The following ILF2 variants were observed in gnomAD, a reference collection of about 807,000 sequenced individuals.
ILF2 encodes the protein interleukin enhancer-binding factor 2.
ILF2 carries 9 observed loss-of-function variants against 55.3 expected under a neutral mutation model. The ratio of observed to expected loss-of-function variants is 0.16; its 90% confidence interval spans 0.10 to 0.28. The LOEUF (loss-of-function observed/expected upper bound fraction) is 0.28. ILF2 is among the 10% of genes least tolerant of loss of function. ILF2 has a pLI of 1.00. For missense variants in ILF2, 266 were observed against 474.9 expected, an observed-to-expected ratio of 0.56 and a Z score of 4.09; for synonymous variants, 151 against 161.8, an observed-to-expected ratio of 0.93 and a Z score of 0.50.
chr1:153,663,119 A>C lies in ILF2; in HGVS notation c.821T>G (p.Ile274Ser). The C allele has an allele frequency of 6.2e-7, 1 of 1,614,178 alleles. No homozygotes were observed. The highest frequency in any genetic ancestry group is 8.5e-7 in the Non-Finnish European group (1 of 1,180,030). Residue 274 changes from isoleucine to serine, a missense_variant, in exon 12 of 14, where the codon ATT becomes AGT. By Grantham distance (142) the Ile-to-Ser change is moderately radical. Coordinates refer to ENST00000361891, the MANE Select transcript of ILF2 (RefSeq NM_004515.4). ...LNVAYRRCLQ[I>S]LAAGLFLPGS... Reference sequence around the variant, plus strand: ...TGGCAGGAACAGTCCTGCAGCCAGAATCTGCAAGCAGCGCCTAGAACACAG... The same window carrying C: ...TGGCAGGAACAGTCCTGCAGCCAGACTCTGCAAGCAGCGCCTAGAACACAG...
At position 153,668,627 on chromosome 1, in the gene ILF2, T is replaced by C. The variant is rs548193985; in HGVS notation, c.109-70A>G. The C allele has an allele frequency of 5.1e-4, 765 of 1,499,548 alleles. 2 individuals carry two copies. The highest frequency in any genetic ancestry group is 6.5e-4 in the Non-Finnish European group (729 of 1,118,580). The allele number at this position is 1,499,548 out of a possible 1,614,324, so 92.9% of individuals were successfully genotyped here. On this transcript the variant is annotated intron_variant, in intron 3 of 13. Coordinates refer to ENST00000361891, the MANE Select transcript of ILF2 (RefSeq NM_004515.4). ...ATACAGGAGAGATTGTTTTTTCTAT[T>C]ACTACGACAGAAAAAGGTTAAAAAC...
intron 6 of ILF2, chr1:153,667,288 A>C: frequency 3.8e-6 from 2 of 520,124 alleles, no homozygotes; most frequent in Non-Finnish European, 6.8e-6. Context: ...GACCAGCCCG[A>C]GCAACACGGT....
At chr1:153,667,711 A>G (rs768437726) in intron 5 of ILF2, 54 bp from the exon 6 acceptor site, 1 of 1,229,322 alleles carries the variant, frequency 8.1e-7, no homozygotes, top group Non-Finnish European at 1.2e-6. Context: ...AAAGGTGCCT[A>G]GGTCCTCCCA....
At chr1:153,670,051 G>C in intron 2 of ILF2, 120 bp downstream of exon 2, 1 of 1,163,750 alleles carries the variant, frequency 8.6e-7, no homozygotes, top group East Asian at 2.3e-5. Flanking sequence ...CAGGAGTGCA[G>C]GAAAAGACCA....
At chr1:153,664,016 G>C in intron 10 of ILF2, 27 bp downstream of exon 10, 2 of 1,314,474 alleles carry the variant, frequency 1.5e-6, no homozygotes, top group Non-Finnish European at 2.2e-6. Context: ...GGATGATGAG[G>C]AACTCCAATT....
chr1:153,665,499 TTGAA>T, intron 7 of ILF2, 160 bp downstream of exon 7: 1 of 752,508 alleles, frequency 1.3e-6, no homozygotes, highest in Admixed American at 2.1e-5. Context: ...CAGATCTCCC[TTGAA>T]CACCTTGAAC....
chr1:153,667,024 A>T (rs1571336275), intron 6 of ILF2, among the ~76,000 whole-genome samples: 1 of 152,254 alleles, frequency 6.6e-6, no homozygotes, highest in Non-Finnish European at 1.5e-5. Context: ...TGGGAGGCCA[A>T]GGCAGGAAAA....
Position 153,662,707 on chromosome 1 carries a change from C to T in ILF2, c.1010G>A (p.Ser337Asn), listed in dbSNP as rs1221585865. 5.6e-6 allele frequency: 9 copies of T among 1,613,868 alleles called. No individual in the cohort carries two copies. The highest frequency in any genetic ancestry group is 6.8e-6 in the Non-Finnish European group (8 of 1,179,856). ...CCTGACCCACAGTGGTCACTCACAG[C>T]TGGCATCACCCTCCTGGCCAAGGAT... is the stretch of plus-strand genomic sequence containing the variant. ...RKILGQEGDA[S>N]YLASEISTWD... The change falls in exon 13 of 14, where the codon AGC (serine) becomes AAC (asparagine). Residue 337 changes from serine to asparagine, a missense_variant and splice_region_variant. Physicochemically the swap from Ser to Asn is conservative, Grantham distance 46. Coordinates refer to ENST00000361891, the MANE Select transcript of ILF2 (RefSeq NM_004515.4).
At chr1:153,666,259 C>A (rs776614854) in intron 6 of ILF2, among the ~76,000 whole-genome samples, 3 of 152,150 alleles carry the variant, frequency 2.0e-5, no homozygotes, top group Non-Finnish European at 4.4e-5. Flanking sequence ...TCTCTGCTAA[C>A]TCCAACCTCT....
chr1:153,664,663 A>G (rs1228818189), intron 8 of ILF2, among the ~76,000 whole-genome samples, 189 bp from the exon 9 acceptor site: 1 of 152,124 alleles, frequency 6.6e-6, no homozygotes, highest in Non-Finnish European at 1.5e-5. Flanking sequence ...GGGTTCGAGC[A>G]ATTCTCCTGC....
At chr1:153,665,084 T>G in intron 8 of ILF2, 136 bp downstream of exon 8, 2 of 623,824 alleles carry the variant, frequency 3.2e-6, no homozygotes, top group Non-Finnish European at 5.7e-6. Context: ...GAGAGCAAAG[T>G]TCAGAATAAA....
intron 9 of ILF2, 100 bp downstream of exon 9, chr1:153,664,296 C>G: frequency 8.8e-7 from 1 of 1,141,504 alleles, no homozygotes; most frequent in Non-Finnish European, 1.3e-6. Context: ...GACACGAGGT[C>G]ACAGGCAAAA....
intron 8 of ILF2, 126 bp from the exon 9 acceptor site, chr1:153,664,600 G>A: frequency 1.3e-6 from 1 of 766,388 alleles, no homozygotes; most frequent in South Asian, 1.5e-5. Context: ...CTGTTGTCCA[G>A]GCTGGATTGC....
Position 153,663,383 on chromosome 1 carries a change from C to T in ILF2, c.745-107G>A, listed in dbSNP as rs1669224119. Reference sequence around the variant, plus strand: ...TCACTTTGTCATCCAGGCTGGAGTGCAGTGGCGCAATCATAGTTCACTGTA... The same window carrying T: ...TCACTTTGTCATCCAGGCTGGAGTGTAGTGGCGCAATCATAGTTCACTGTA... On this transcript the variant is annotated intron_variant, in intron 10 of 13. Transcript: ENST00000361891. 10 of 1,029,856 alleles carry T rather than the reference C, an allele frequency of 9.7e-6. No homozygotes were observed. In the East Asian group the frequency reaches 2.4e-4, roughly 25 times the overall value. 63.8% of individuals were successfully genotyped at this position (1,029,856 alleles called of 1,614,324 possible).
chr1:153,668,499 G>A lies in ILF2; in HGVS notation c.167C>T (p.Ala56Val), dbSNP rs753101179. ...CAGGTCCTGATTCCTCTTCAGCAAGGCCTCACTGAAGGAAGTTTCATCAGG... is the reference window on the plus strand; with the variant it reads ...CAGGTCCTGATTCCTCTTCAGCAAGACCTCACTGAAGGAAGTTTCATCAGG... The part of the protein sequence containing the change: ...PAPDETSFSE[A>V]LLKRNQDLAP... Residue 56 changes from alanine to valine, a missense_variant, in exon 4 of 14, where the codon GCC becomes GTC. Transcript: ENST00000361891. 3 of 1,614,038 alleles carry A rather than the reference G, an allele frequency of 1.9e-6. No individual in the cohort carries two copies. In the South Asian group the frequency reaches 3.3e-5, roughly 18 times the overall value.
intron 8 of ILF2, 86 bp from the exon 9 acceptor site, chr1:153,664,560 G>C (rs1269432410): frequency 9.3e-7 from 1 of 1,072,522 alleles, no homozygotes; most frequent in South Asian, 1.3e-5. Context: ...TAAAAACTTG[G>C]AAGGAGGGCA....
At chr1:153,664,022 C>T in intron 10 of ILF2, 21 bp downstream of exon 10, 1 of 1,444,140 alleles carries the variant, frequency 6.9e-7, no homozygotes, top group Non-Finnish European at 9.7e-7. Context: ...TGAGGAACTC[C>T]AATTGCCCAT....
Position 153,664,106 on chromosome 1 carries a change from C to T in ILF2, c.681G>A (p.Leu227=). The T allele has an allele frequency of 1.2e-6, 2 of 1,613,122 alleles. No individual in the cohort carries two copies. Among genetic ancestry groups the T allele is most frequent in the Non-Finnish European group, 1.7e-6 (2 of 1,179,276 alleles). ...CAGGAAAACGAATCCTCAAGTCCTT[C>T]AGTAGTCTGATGAGAACTTTAACTC... ...QSTVKVLIRL[L]KDLRIRFPGF... is the part of the protein sequence containing the mutation. The change falls in exon 10 of 14, where the codon CTG becomes CTA. Residue 227 remains leucine, a synonymous_variant. Transcript: ENST00000361891.
chr1:153,670,844 G>C, intron 1 of ILF2, 74 bp downstream of exon 1: 1 of 1,581,440 alleles, frequency 6.3e-7, no homozygotes. Context: ...CTGATACTCC[G>C]ACTTCTTTCG....
Sources: allele counts gnomAD v4.1 joint callset (sites outside exome capture counted in the v4.1 genomes callset), GRCh38; gene constraint gnomAD v4.1.1; transcripts MANE v1.5; gene names NCBI Gene and HGNC (gene_info 2026-07-23, HGNC 2026-07-21).